The following TLL1 variants were observed in gnomAD, a reference collection of about 807,000 sequenced individuals.
The protein encoded by TLL1 is tolloid-like protein 1.
In TLL1, 49 loss-of-function variants were observed where a neutral mutation model predicts 128.2. That is an observed-to-expected ratio of 0.38 (90% CI 0.30 to 0.48). The LOEUF (loss-of-function observed/expected upper bound fraction) is 0.48. Among genes scored for constraint, TLL1 ranks in the 20% least tolerant of loss-of-function variants. TLL1 has a pLI of 0.96. For missense variants in TLL1, 1,123 were observed against 1,242.0 expected (o/e 0.90, Z 1.44); for synonymous variants, 454 against 418.8 (o/e 1.08, Z -1.03).
Position 166,100,826 on chromosome 4 carries a change from A to G in TLL1, c.2992A>G (p.Ile998Val). 1 of 1,613,034 alleles carries G rather than the reference A, an allele frequency of 6.2e-7. No homozygotes were observed. Among genetic ancestry groups the G allele is most frequent in the Non-Finnish European group, 8.5e-7 (1 of 1,179,356 alleles). Residue 998 changes from isoleucine to valine, a missense_variant, in exon 21 of 21, where the codon ATA becomes GTA. Transcript: ENST00000061240. ...CACAATCAACAAGAAGGGATTTCAT[A>G]TAAGATACAAAAGCATAAGATATCC... ...DDTINKKGFH[I>V]RYKSIRYPDT...
intron 17 of TLL1, 118 bp from the exon 18 acceptor site, chr4:166,077,785 A>G: frequency 7.1e-7 from 1 of 1,404,228 alleles, no homozygotes; most frequent in Non-Finnish European, 1.0e-6. Flanking sequence ...CGGGAGTGAA[A>G]ATTAGCTGGT....
Position 166,049,226 on chromosome 4 carries a change from G to A in TLL1, c.1524+5807G>A, listed in dbSNP as rs115177743. On this transcript the variant is annotated intron_variant, in intron 12 of 20. Coordinates refer to ENST00000061240, the MANE Select transcript of TLL1 (RefSeq NM_012464.5). ...TGTTAGTTTCAATCAACTTGCCCAA[G>A]GTTGCACAACTGGTAGCACTATGAT... 4.7e-3 allele frequency among the ~76,000 whole-genome samples: 723 copies of A among 152,246 alleles called. 5 individuals carry two copies. The highest frequency in any genetic ancestry group is 0.016 in the African/African-American group (681 of 41,556).
chr4:165,938,449 G>T (rs1733862137), intron 1 of TLL1, among the ~76,000 whole-genome samples: 1 of 151,926 alleles, frequency 6.6e-6, no homozygotes, highest in Non-Finnish European at 1.5e-5. Flanking sequence ...TCCGCCTGAG[G>T]AATTTTCTTC....
chr4:165,910,218 T>C (rs998444058), intron 1 of TLL1, among the ~76,000 whole-genome samples: 1 of 152,150 alleles, frequency 6.6e-6, no homozygotes, highest in Non-Finnish European at 1.5e-5. Context: ...CAGGATGGAT[T>C]TGTAAGCTCA....
intron 1 of TLL1, among the ~76,000 whole-genome samples, chr4:165,913,442 A>G (rs952776891): frequency 6.6e-5 from 10 of 152,178 alleles, no homozygotes; most frequent in African/African-American, 2.2e-4. Context: ...GAACTCTTAA[A>G]CCAAATCAAT....
At chr4:165,894,202 A>G (rs1223163104) in intron 1 of TLL1, among the ~76,000 whole-genome samples, 1 of 152,180 alleles carries the variant, frequency 6.6e-6, no homozygotes, top group East Asian at 1.9e-4. Context: ...GTGTGATCTA[A>G]TGATCTCAAC....
intron 5 of TLL1, among the ~76,000 whole-genome samples, chr4:166,000,627 TTGC>T (rs1321851595): frequency 6.6e-6 from 1 of 152,200 alleles, no homozygotes; most frequent in African/African-American, 2.4e-5. Context: ...GGTAATTTAG[TTGC>T]TGTATAATCA....
intron 1 of TLL1, among the ~76,000 whole-genome samples, chr4:165,898,344 C>A (rs955604596): frequency 6.6e-6 from 1 of 152,174 alleles, no homozygotes; most frequent in Admixed American, 6.5e-5. Context: ...TTTGCCCATT[C>A]AGTATGATAT....
chr4:166,089,170 G>A (rs80048172), intron 18 of TLL1, among the ~76,000 whole-genome samples: 7,367 of 152,084 alleles, frequency 0.048, 280 homozygotes, highest in African/African-American at 0.087. Context: ...CTGAACCAAT[G>A]TTTTTCCTCT....
At chr4:166,048,052 C>A (rs957950808) in intron 12 of TLL1, among the ~76,000 whole-genome samples, 1 of 151,994 alleles carries the variant, frequency 6.6e-6, no homozygotes, top group African/African-American at 2.4e-5. Flanking sequence ...GCCTGACCAA[C>A]ATGGTGAAAC....
intron 9 of TLL1, chr4:166,030,512 T>C: frequency 1.6e-6 from 1 of 619,230 alleles, no homozygotes; most frequent in Admixed American, 2.3e-5. Context: ...AAGTTTGATG[T>C]CATACCACTT....
intron 16 of TLL1, among the ~76,000 whole-genome samples, chr4:166,073,705 G>C (rs1394616997): frequency 6.6e-6 from 1 of 152,080 alleles, no homozygotes; most frequent in Non-Finnish European, 1.5e-5. Flanking sequence ...ATCTTCAAAT[G>C]TAACAAAATA....
At chr4:165,987,932 G>A (rs1020836442) in intron 1 of TLL1, among the ~76,000 whole-genome samples, 3 of 152,204 alleles carry the variant, frequency 2.0e-5, no homozygotes, top group South Asian at 2.1e-4. Context: ...CGATTTTAAT[G>A]TATTTTCTTT....
rs781708777 is a variant in TLL1, at chr4:166,057,173, C to T, written c.1721-11C>T. ...TGTATAGTTGTTCTATAACTATGAC[C>T]ATTTTCATAGAGGAAGATGAGTGTG... On this transcript the variant is annotated splice_polypyrimidine_tract_variant and intron_variant, in intron 13 of 20. Coordinates refer to ENST00000061240, the MANE Select transcript of TLL1 (RefSeq NM_012464.5). 1 of 1,613,462 alleles carries T rather than the reference C, an allele frequency of 6.2e-7. No homozygotes were observed. Among genetic ancestry groups the T allele is most frequent in the South Asian group, 1.1e-5 (1 of 91,064 alleles).
At chr4:166,020,482 C>T (rs566624346) in intron 8 of TLL1, among the ~76,000 whole-genome samples, 19 of 152,204 alleles carry the variant, frequency 1.2e-4, no homozygotes, top group South Asian at 4.1e-4. Context: ...CGAGTTGTAA[C>T]GTATTTTCTC....
chr4:166,059,108 A>G (rs924914466), intron 14 of TLL1, among the ~76,000 whole-genome samples: 7 of 152,200 alleles, frequency 4.6e-5, no homozygotes, highest in African/African-American at 1.7e-4. Context: ...TGGAGCAACT[A>G]GAAATACTTA....
chr4:165,882,123 T>A (rs1489790149), intron 1 of TLL1, among the ~76,000 whole-genome samples: 1 of 152,168 alleles, frequency 6.6e-6, no homozygotes, highest in Middle Eastern at 3.2e-3. Context: ...TTTTCAATCC[T>A]AACTTGTCTA....
chr4:165,967,366 A>G (rs1475112696), intron 1 of TLL1, among the ~76,000 whole-genome samples: 1 of 152,232 alleles, frequency 6.6e-6, no homozygotes, highest in East Asian at 1.9e-4. Flanking sequence ...GAGATTAAAG[A>G]CAGGCCTAGG....
At chr4:165,949,331 C>A (rs146867150) in intron 1 of TLL1, among the ~76,000 whole-genome samples, 1 of 152,110 alleles carries the variant, frequency 6.6e-6, no homozygotes, top group African/African-American at 2.4e-5. Context: ...TTTTCCAGAA[C>A]CTTCACAAAA....
Sources: gnomAD v4.1 joint callset for allele counts (sites outside exome capture counted in the v4.1 genomes callset) on GRCh38, gnomAD v4.1.1 for gene constraint, MANE v1.5 for transcripts, NCBI Gene and HGNC (gene_info 2026-07-23, HGNC 2026-07-21) for gene names.